The following MEI4 variants were observed in gnomAD, a reference collection of about 807,000 sequenced individuals.
The protein encoded by MEI4 is meiotic double-stranded break formation protein 4.
MEI4 carries 27 observed loss-of-function variants against 31.4 expected under a neutral mutation model. The observed-to-expected ratio is 0.86, with a 90% CI of 0.63 to 1.19. The LOEUF (loss-of-function observed/expected upper bound fraction) is 1.19, where lower values mean the gene tolerates loss of function less well. MEI4 is among the 50% of genes most tolerant of loss of function. The probability of loss-of-function intolerance (pLI) is 0.00; values close to 1 mark genes in which losing one functional copy is unlikely to be tolerated. For missense variants in MEI4, 329 were observed against 398.9 expected, an observed-to-expected ratio of 0.82 and a Z score of 1.49; for synonymous variants, 122 against 145.4, an observed-to-expected ratio of 0.84 and a Z score of 1.16.
chr6:77,710,443 A>G (rs1766433721), intron 2 of MEI4, among the ~76,000 whole-genome samples: 1 of 144,374 alleles, frequency 6.9e-6, no homozygotes, highest in Non-Finnish European at 1.5e-5. Flanking sequence ...AATCGCTTGA[A>G]CCTGGGAGGT....
At chr6:77,730,274 G>A (rs1258933959) in intron 2 of MEI4, among the ~76,000 whole-genome samples, 2 of 152,112 alleles carry the variant, frequency 1.3e-5, no homozygotes, top group Non-Finnish European at 2.9e-5. Flanking sequence ...TTGATGAATG[G>A]AAATTATGCA....
At chr6:77,679,443 CT>C (rs1309135295) in intron 1 of MEI4, among the ~76,000 whole-genome samples, 1 of 14,054 alleles carries the variant, frequency 7.1e-5, no homozygotes, top group African/African-American at 3.8e-4. Flanking sequence ...GAATAATGTG[CT>C]GCACAGGTTT....
Position 77,791,616 on chromosome 6 carries a change from G to A in MEI4, c.768+29951G>A, listed in dbSNP as rs191764621. On this transcript the variant is annotated intron_variant, in intron 3 of 4. Transcript: ENST00000684080. ...TTAGTGGGTGCAGCGCACCAGCATGGCACATGTATACATATGTAACTAACC... is the reference window on the plus strand; with the variant it reads ...TTAGTGGGTGCAGCGCACCAGCATGACACATGTATACATATGTAACTAACC... 2.8e-3 allele frequency among the ~76,000 whole-genome samples: 425 copies of A among 149,912 alleles called. 17 individuals are homozygous for A. In the East Asian group the frequency reaches 0.069, roughly 24 times the overall value.
chr6:77,774,571 C>T (rs1177339579), intron 3 of MEI4, among the ~76,000 whole-genome samples: 3 of 151,928 alleles, frequency 2.0e-5, no homozygotes, highest in Non-Finnish European at 4.4e-5. Context: ...CAGGAAGTAG[C>T]TTTTAAACAG....
chr6:77,874,394 C>T (rs1038452007), intron 4 of MEI4, among the ~76,000 whole-genome samples: 2 of 152,034 alleles, frequency 1.3e-5, no homozygotes, highest in African/African-American at 2.4e-5. Flanking sequence ...ACTCATGATT[C>T]AGCTCTCTGT....
intron 2 of MEI4, among the ~76,000 whole-genome samples, chr6:77,734,927 G>C (rs911042129): frequency 1.6e-4 from 25 of 151,808 alleles, no homozygotes; most frequent in South Asian, 1.0e-3. Context: ...ATTCTGGGTT[G>C]AAAATTCTTT....
At chr6:77,662,707 T>G (rs1351914718) in intron 1 of MEI4, among the ~76,000 whole-genome samples, 1 of 152,112 alleles carries the variant, frequency 6.6e-6, no homozygotes. Flanking sequence ...CTACAGGGTG[T>G]GGTCCTGGCT....
intron 4 of MEI4, among the ~76,000 whole-genome samples, chr6:77,864,401 G>A (rs1184417881): frequency 2.6e-4 from 40 of 151,576 alleles, no homozygotes; most frequent in Admixed American, 2.6e-3. Flanking sequence ...CCAAGCAAAT[G>A]GAAAACAAAA....
chr6:77,744,660 G>A (rs544712305), intron 2 of MEI4, among the ~76,000 whole-genome samples: 154 of 152,136 alleles, frequency 1.0e-3, no homozygotes, highest in South Asian at 3.7e-3. Flanking sequence ...TCCAAGACAC[G>A]TAATTGTCAG....
chr6:77,794,957 A>C (rs1769038231), intron 3 of MEI4, among the ~76,000 whole-genome samples: 1 of 152,224 alleles, frequency 6.6e-6, no homozygotes, highest in Non-Finnish European at 1.5e-5. Flanking sequence ...ATTCACAAGG[A>C]TGTGCATTTT....
chr6:77,737,821 T>G (rs537627966), intron 2 of MEI4, among the ~76,000 whole-genome samples: 1 of 152,294 alleles, frequency 6.6e-6, no homozygotes, highest in African/African-American at 2.4e-5. Context: ...ACTCTCAGGT[T>G]TCAAACCTTG....
At chr6:77,819,465 A>G (rs1769765280) in intron 3 of MEI4, among the ~76,000 whole-genome samples, 1 of 152,146 alleles carries the variant, frequency 6.6e-6, no homozygotes, top group Non-Finnish European at 1.5e-5. Context: ...GATATTTGGT[A>G]TTATTTTAGG....
intron 4 of MEI4, among the ~76,000 whole-genome samples, chr6:77,851,383 C>T (rs1233228302): frequency 1.3e-5 from 2 of 151,988 alleles, no homozygotes; most frequent in Non-Finnish European, 2.9e-5. Flanking sequence ...TTGGAACCAC[C>T]CCAAATGTCC....
At position 77,732,108 on chromosome 6, in the gene MEI4, C is replaced by T. The variant is rs575231729; in HGVS notation, c.233-29022C>T. ...TTGACTTAGGATTGACTTGGCGATG[C>T]GGGCTCTTTTTTGGTTCCATATGAA... On this transcript the variant is annotated intron_variant, in intron 2 of 4. Coordinates refer to ENST00000684080, the MANE Select transcript of MEI4 (RefSeq NM_001322247.2). Among the ~76,000 whole-genome samples the T allele has an allele frequency of 4.8e-3, 722 of 151,106 alleles. 13 individuals are homozygous for T. Among genetic ancestry groups the T allele is most frequent in the African/African-American group, 0.016 (643 of 40,786 alleles).
chr6:77,898,652 C>T (rs1766131188), intron 4 of MEI4, among the ~76,000 whole-genome samples: 1 of 152,004 alleles, frequency 6.6e-6, no homozygotes, highest in South Asian at 2.1e-4. Flanking sequence ...TCTGTATGTC[C>T]TTGGCTAGTG....
At chr6:77,919,780 G>C (rs1292169813) in intron 4 of MEI4, among the ~76,000 whole-genome samples, 4 of 148,458 alleles carry the variant, frequency 2.7e-5, no homozygotes, top group Non-Finnish European at 6.0e-5. Flanking sequence ...AAAGAGAGAA[G>C]AATCAAATAG....
chr6:77,850,023 G>C (rs1489912560), intron 4 of MEI4, among the ~76,000 whole-genome samples: 1 of 150,294 alleles, frequency 6.7e-6, no homozygotes, highest in Admixed American at 6.6e-5. Flanking sequence ...GTTCAAATTA[G>C]TTAGGCATGT....
intron 3 of MEI4, among the ~76,000 whole-genome samples, chr6:77,825,004 T>C (rs1253462288): frequency 4.0e-5 from 6 of 150,574 alleles, no homozygotes; most frequent in African/African-American, 1.5e-4. Flanking sequence ...GTACCTCTGA[T>C]CTCAACTTTT....
intron 2 of MEI4, among the ~76,000 whole-genome samples, chr6:77,745,671 T>G (rs1250150994): frequency 6.6e-6 from 1 of 152,152 alleles, no homozygotes; most frequent in East Asian, 1.9e-4. Flanking sequence ...ATATACATTT[T>G]TTTCAGCACC....
Sources: allele counts gnomAD v4.1 joint callset (sites outside exome capture counted in the v4.1 genomes callset), GRCh38; gene constraint gnomAD v4.1.1; transcripts MANE v1.5; gene names NCBI Gene and HGNC (gene_info 2026-07-23, HGNC 2026-07-21).